FGF14: variants seen among roughly 807,000 people sequenced by gnomAD.
The protein encoded by FGF14 is fibroblast growth factor 14.
A neutral mutation model predicts 25.5 loss-of-function variants in FGF14; 5 were observed. The ratio of observed to expected loss-of-function variants is 0.20; its 90% CI spans 0.10 to 0.41. FGF14 has a LOEUF of 0.41. Ranked by LOEUF, FGF14 falls within the 10% of genes least tolerant of loss-of-function variation. The pLI is 1.00. For synonymous variants in FGF14, 138 were observed against 118.3 expected (o/e 1.17, Z -1.08); for missense variants, 222 against 320.1 (o/e 0.69, Z 2.34).
intron 1 of FGF14, among the ~76,000 whole-genome samples, chr13:102,056,778 GATATAA>G (rs2140083690): frequency 6.7e-6 from 1 of 148,800 alleles, no homozygotes; most frequent in African/African-American, 2.4e-5. Context: ...ATATAATACA[GATATAA>G]ATATATTATA....
chr13:101,952,865 T>C (rs2476224), intron 1 of FGF14, among the ~76,000 whole-genome samples: 61,324 of 151,844 alleles, frequency 0.4, 14,919 homozygotes, highest in East Asian at 0.71. Context: ...ACTCCGTCTC[T>C]ACTAAAAATA....
chr13:101,888,279 A>G (rs1236410098), intron 1 of FGF14, among the ~76,000 whole-genome samples: 1 of 152,192 alleles, frequency 6.6e-6, no homozygotes, highest in Admixed American at 6.5e-5. Context: ...TGGTAGCGGT[A>G]ACCTATTCTT....
At chr13:101,772,892 C>A (rs1356829997) in intron 3 of FGF14, among the ~76,000 whole-genome samples, 2 of 152,104 alleles carry the variant, frequency 1.3e-5, no homozygotes, top group African/African-American at 4.8e-5. Context: ...AAATTATGAA[C>A]TATTTTTAAT....
intron 1 of FGF14, among the ~76,000 whole-genome samples, chr13:102,099,823 G>C (rs1334704499): frequency 6.6e-6 from 1 of 151,896 alleles, no homozygotes; most frequent in Non-Finnish European, 1.5e-5. Context: ...AAATAATAAT[G>C]ACTATGATAT....
At chr13:101,886,666 G>A (rs2046003106) in intron 1 of FGF14, among the ~76,000 whole-genome samples, 2 of 152,124 alleles carry the variant, frequency 1.3e-5, no homozygotes, top group Admixed American at 6.6e-5. Context: ...CCTCAAAAGT[G>A]TAAGCAAGAA....
At chr13:101,905,162 C>T (rs76868771) in intron 1 of FGF14, among the ~76,000 whole-genome samples, 2,010 of 152,170 alleles carry the variant, frequency 0.013, 45 homozygotes, top group African/African-American at 0.045. Flanking sequence ...TGCAGGGTGG[C>T]CATCATTTGT....
chr13:101,867,478 T>G (rs1483490372), intron 3 of FGF14, among the ~76,000 whole-genome samples: 1 of 152,144 alleles, frequency 6.6e-6, no homozygotes, highest in Non-Finnish European at 1.5e-5. Context: ...CTAATGATGT[T>G]TAGGCCCCTA....
At chr13:101,949,993 T>G (rs1187749230) in intron 1 of FGF14, among the ~76,000 whole-genome samples, 2 of 152,120 alleles carry the variant, frequency 1.3e-5, no homozygotes, top group Non-Finnish European at 2.9e-5. Flanking sequence ...GAGGCAAGTT[T>G]TCTTTTTCTT....
chr13:102,388,916 A>C (rs2058368950), intron 1 of FGF14, among the ~76,000 whole-genome samples: 1 of 152,166 alleles, frequency 6.6e-6, no homozygotes, highest in Non-Finnish European at 1.5e-5. Flanking sequence ...TGATTTCACT[A>C]AGCCGCTAAA....
chr13:102,115,976 G>A (rs2045451271), intron 1 of FGF14, among the ~76,000 whole-genome samples: 1 of 152,082 alleles, frequency 6.6e-6, no homozygotes, highest in South Asian at 2.1e-4. Flanking sequence ...CGGGCTTGGT[G>A]ACGCATGCCT....
chr13:102,180,119 A>G (rs1455837945), intron 1 of FGF14, among the ~76,000 whole-genome samples: 3 of 152,164 alleles, frequency 2.0e-5, no homozygotes, highest in Non-Finnish European at 1.5e-5. Flanking sequence ...TTCTAAGGCA[A>G]GACTATATAG....
At chr13:101,921,402 A>G (rs1293338707), upstream of FGF14, among the ~76,000 whole-genome samples, 2 of 152,168 alleles carry the variant, frequency 1.3e-5, no homozygotes, top group Non-Finnish European at 2.9e-5. Flanking sequence ...CTTCCTTCTT[A>G]AACCTGTTCT....
chr13:101,743,599 T>C (rs2036695179), intron 3 of FGF14, among the ~76,000 whole-genome samples: 1 of 152,164 alleles, frequency 6.6e-6, no homozygotes, highest in African/African-American at 2.4e-5. Flanking sequence ...GAAAATCATT[T>C]AGAAATTATT....
chr13:101,852,816 T>C (rs113548723), intron 3 of FGF14, among the ~76,000 whole-genome samples: 13 of 152,248 alleles, frequency 8.5e-5, no homozygotes, highest in Non-Finnish European at 1.8e-4. Context: ...TAGTGGATAA[T>C]AATTGAAATA....
chr13:102,074,622 C>T (rs181567047), intron 1 of FGF14, among the ~76,000 whole-genome samples: 10 of 152,144 alleles, frequency 6.6e-5, no homozygotes, highest in African/African-American at 1.7e-4. Context: ...AGCTAGAAAA[C>T]GACACTACAA....
intron 3 of FGF14, among the ~76,000 whole-genome samples, chr13:101,728,417 A>T (rs1008098270): frequency 1.3e-5 from 2 of 152,126 alleles, no homozygotes; most frequent in African/African-American, 4.8e-5. Context: ...TGAGTTCTGC[A>T]TCTCCATATA....
At chr13:102,402,343 C>T (rs1018815702), upstream of FGF14, 3 of 152,402 alleles carry the variant, frequency 2.0e-5, no homozygotes, top group African/African-American at 7.2e-5. Flanking sequence ...CCTCCTTCCT[C>T]TCACTCTTCC....
intron 1 of FGF14, among the ~76,000 whole-genome samples, chr13:101,940,680 T>G (rs1000023205): frequency 6.6e-6 from 1 of 152,214 alleles, no homozygotes; most frequent in African/African-American, 2.4e-5. Context: ...CTATTTTCTC[T>G]GTCTGCTCAA....
intron 1 of FGF14, among the ~76,000 whole-genome samples, chr13:102,323,984 T>A (rs892386607): frequency 6.6e-6 from 1 of 151,614 alleles, no homozygotes; most frequent in Admixed American, 6.6e-5. Flanking sequence ...TGTGTGTGTG[T>A]GTGTGTGTGT....
Sources: gnomAD v4.1 joint callset for allele counts (sites outside exome capture counted in the v4.1 genomes callset) on GRCh38, gnomAD v4.1.1 for gene constraint, MANE v1.5 for transcripts, NCBI Gene and HGNC (gene_info 2026-07-23, HGNC 2026-07-21) for gene names.